The following TOX2 variants were observed in gnomAD, a reference collection of about 807,000 sequenced individuals.
TOX2 encodes TOX high mobility group box family member 2, also known as granulosa cell HMG box 1.
A neutral mutation model predicts 47.4 loss-of-function variants in TOX2; 15 were observed. The ratio of observed to expected loss-of-function variants is 0.32; its 90% CI spans 0.21 to 0.49. The LOEUF (loss-of-function observed/expected upper bound fraction) is 0.49. Among genes scored for constraint, TOX2 ranks in the 20% least tolerant of loss-of-function variants. The probability of loss-of-function intolerance (pLI) is 0.99; values close to 1 mark genes in which losing one functional copy is unlikely to be tolerated. For missense variants in TOX2, 622 were observed against 673.1 expected (o/e 0.92, Z 0.84); for synonymous variants, 290 against 296.6 (o/e 0.98, Z 0.23).
At chr20:43,917,491 G>A (rs1468629848) in intron 1 of TOX2, among the ~76,000 whole-genome samples, 1 of 152,188 alleles carries the variant, frequency 6.6e-6, no homozygotes, top group Non-Finnish European at 1.5e-5. Flanking sequence ...GGCTCTGTCC[G>A]CAGACAAGAG....
intron 3 of TOX2, among the ~76,000 whole-genome samples, chr20:44,030,118 A>AG (rs2071127181): frequency 6.6e-6 from 1 of 152,046 alleles, no homozygotes; most frequent in African/African-American, 2.4e-5. Context: ...CCCCACCTGG[A>AG]AACCCCCACT....
chr20:43,995,949 G>T, intron 2 of TOX2, among the ~76,000 whole-genome samples: 1 of 152,088 alleles, frequency 6.6e-6, no homozygotes, highest in East Asian at 1.9e-4. Context: ...TTCCATGTTT[G>T]TTGTGAATAG....
chr20:44,030,171 T>C (rs1232983199), intron 3 of TOX2, among the ~76,000 whole-genome samples: 1 of 151,920 alleles, frequency 6.6e-6, no homozygotes, highest in Non-Finnish European at 1.5e-5. Context: ...CTGGCCACTC[T>C]CCCCTACCTG....
chr20:44,024,023 T>C (rs2071020323), intron 3 of TOX2, among the ~76,000 whole-genome samples: 2 of 152,222 alleles, frequency 1.3e-5, no homozygotes, highest in South Asian at 4.1e-4. Flanking sequence ...CATACTTCTG[T>C]ATTGAGGTTC....
intron 3 of TOX2, among the ~76,000 whole-genome samples, chr20:44,014,679 C>T (rs1048735933): frequency 6.6e-6 from 1 of 152,122 alleles, no homozygotes; most frequent in Non-Finnish European, 1.5e-5. Context: ...AAAGAGTCAG[C>T]GATCCGATGC....
At chr20:44,051,602 T>C (rs1600786654) in intron 4 of TOX2, 57 bp downstream of exon 4, 1 of 1,519,032 alleles carries the variant, frequency 6.6e-7, no homozygotes, top group Non-Finnish European at 8.8e-7. Flanking sequence ...AGGGAAGGGG[T>C]CCTGTGGGGA....
chr20:43,999,038 G>A (rs1350575489), intron 2 of TOX2, among the ~76,000 whole-genome samples: 1 of 152,156 alleles, frequency 6.6e-6, no homozygotes, highest in Non-Finnish European at 1.5e-5. Flanking sequence ...CGGATTACAG[G>A]CGTGCGCCAC....
chr20:44,004,110 G>A (rs1347240955), intron 2 of TOX2, among the ~76,000 whole-genome samples: 2 of 152,178 alleles, frequency 1.3e-5, no homozygotes, highest in South Asian at 4.1e-4. Flanking sequence ...GAGATGTCAG[G>A]GGGTGAGTCC....
At chr20:44,004,962 T>A (rs2070653077) in intron 2 of TOX2, among the ~76,000 whole-genome samples, 1 of 152,248 alleles carries the variant, frequency 6.6e-6, no homozygotes, top group South Asian at 2.1e-4. Context: ...AGATATTGAA[T>A]GTTCCCAACA....
intron 1 of TOX2, among the ~76,000 whole-genome samples, chr20:43,965,598 C>T (rs2069837358): frequency 6.6e-6 from 1 of 152,164 alleles, no homozygotes; most frequent in African/African-American, 2.4e-5. Context: ...ATAGATTTCC[C>T]AAGGGGCAGT....
intron 1 of TOX2, among the ~76,000 whole-genome samples, chr20:43,933,652 G>A (rs951804998): frequency 7.9e-5 from 12 of 152,288 alleles, no homozygotes; most frequent in Middle Eastern, 6.8e-3. Flanking sequence ...ACGAGAAAGC[G>A]GGTCCCACCT....
chr20:44,029,799 G>A (rs1010308936), intron 3 of TOX2, among the ~76,000 whole-genome samples: 5 of 152,072 alleles, frequency 3.3e-5, no homozygotes, highest in South Asian at 4.1e-4. Context: ...ATTGACTCTG[G>A]CTGTCTATAT....
At chr20:43,988,595 C>A (rs929530413) in intron 2 of TOX2, among the ~76,000 whole-genome samples, 1 of 152,186 alleles carries the variant, frequency 6.6e-6, no homozygotes, top group Non-Finnish European at 1.5e-5. Context: ...TTTTAGTTTC[C>A]GTTTATTTGC....
chr20:43,990,687 A>G (rs988689492), intron 2 of TOX2, among the ~76,000 whole-genome samples: 3 of 152,156 alleles, frequency 2.0e-5, no homozygotes, highest in Admixed American at 6.5e-5. Flanking sequence ...GATGCCAAGC[A>G]GAGGCCGGGA....
chr20:44,042,003 A>T (rs1050927201), intron 3 of TOX2, among the ~76,000 whole-genome samples: 2 of 152,256 alleles, frequency 1.3e-5, no homozygotes, highest in African/African-American at 4.8e-5. Flanking sequence ...TTTCAGGTAA[A>T]ACATGTGTAT....
chr20:43,990,121 T>C (rs1271632921), intron 2 of TOX2, among the ~76,000 whole-genome samples: 1 of 152,170 alleles, frequency 6.6e-6, no homozygotes, highest in East Asian at 1.9e-4. Flanking sequence ...ACCTGCCTCA[T>C]AGAGTTGTTG....
intron 3 of TOX2, among the ~76,000 whole-genome samples, chr20:44,024,744 C>G (rs187936487): frequency 6.6e-6 from 1 of 152,176 alleles, no homozygotes; most frequent in African/African-American, 2.4e-5. Flanking sequence ...TACTAAGTAT[C>G]TTTTCAGTCT....
chr20:44,065,737 A>G lies in TOX2; in HGVS notation c.986A>G (p.Lys329Arg). 2 of 1,599,446 alleles carry G rather than the reference A, an allele frequency of 1.3e-6. No individual in the cohort carries two copies. Among genetic ancestry groups the G allele is most frequent in the Non-Finnish European group, 1.7e-6 (2 of 1,169,488 alleles). ...SKSSPDQGET[K>R]STQANPPAKM... Reference sequence around the variant, plus strand: ...AGCTCCCCAGATCAAGGTGAGACCAAGAGCACTCAGGCAAACCCACCAGCC... The same window carrying G: ...AGCTCCCCAGATCAAGGTGAGACCAGGAGCACTCAGGCAAACCCACCAGCC... The change falls in exon 7 of 9, where the codon AAG (lysine) becomes AGG (arginine). Residue 329 changes from lysine to arginine, a missense_variant. This residue lies in a region of TOX2 where 294 missense variants were observed against 300.0 expected (regional missense o/e 0.98). Transcript: ENST00000341197.
chr20:43,981,380 A>G (rs996391373), intron 2 of TOX2, among the ~76,000 whole-genome samples: 1 of 152,224 alleles, frequency 6.6e-6, no homozygotes, highest in Admixed American at 6.5e-5. Flanking sequence ...AAGATGTAAA[A>G]CAGTACAGTA....
Sources: allele counts gnomAD v4.1 joint callset (sites outside exome capture counted in the v4.1 genomes callset), GRCh38; gene constraint gnomAD v4.1.1; regional missense constraint gnomAD v4.1.1; transcripts MANE v1.5; gene names NCBI Gene and HGNC (gene_info 2026-07-23, HGNC 2026-07-21).